Variants in ANKFY1 observed in about 807,000 individuals in gnomAD.
ANKFY1 encodes ankyrin repeat and FYVE domain-containing protein 1.
Under a neutral mutation model 128.3 loss-of-function variants are expected in ANKFY1, and 47 were observed. That is an observed-to-expected ratio of 0.37 (90% CI 0.29 to 0.47). The LOEUF (loss-of-function observed/expected upper bound fraction) is 0.47. Among genes scored for constraint, ANKFY1 ranks in the 20% least tolerant of loss-of-function variants. ANKFY1 has a pLI of 1.00. For missense variants in ANKFY1, 1,222 were observed against 1,510.6 expected (o/e 0.81, Z 3.17); for synonymous variants, 553 against 601.6 (o/e 0.92, Z 1.18).
chr17:4,179,328 T>A (rs1054090865), intron 17 of ANKFY1: 7 of 553,242 alleles, frequency 1.3e-5, no homozygotes, highest in African/African-American at 1.1e-4. Context: ...CCACCACTCC[T>A]TATCTGGCTA....
At chr17:4,168,971 T>C in intron 24 of ANKFY1, 1 of 525,056 alleles carries the variant, frequency 1.9e-6, no homozygotes, top group Non-Finnish European at 3.5e-6. Context: ...ACTGTGCACC[T>C]TCAGCCTCCA....
At position 4,169,402 on chromosome 17, in the gene ANKFY1, A is replaced by T; in HGVS notation, c.3287-114T>A. 1 of 743,368 alleles carries T rather than the reference A, an allele frequency of 1.3e-6. No individual in the cohort carries two copies. 46.0% of individuals were successfully genotyped at this position (743,368 alleles called of 1,614,324 possible). Reference sequence around the variant, plus strand: ...GTAAGTGAGGCAGCGCTGCCACATGACATAGGTGACGAAGGAGCGATAGGT... The same window carrying T: ...GTAAGTGAGGCAGCGCTGCCACATGTCATAGGTGACGAAGGAGCGATAGGT... On this transcript the variant is annotated intron_variant, in intron 23 of 24. Coordinates refer to ENST00000341657, the MANE Select transcript of ANKFY1 (RefSeq NM_001330063.2). The surrounding 1 kb of genome is among the most constrained non-coding windows in gnomAD (Gnocchi z 5.0).
chr17:4,183,730 T>C, intron 13 of ANKFY1, 82 bp downstream of exon 13: 1 of 1,477,380 alleles, frequency 6.8e-7, no homozygotes, highest in Non-Finnish European at 9.4e-7. Flanking sequence ...CTCCTCTTTC[T>C]TTCTCGCTCC....
chr17:4,218,898 T>C (rs1291606534), intron 3 of ANKFY1, among the ~76,000 whole-genome samples: 1 of 151,522 alleles, frequency 6.6e-6, no homozygotes, highest in African/African-American at 2.4e-5. Flanking sequence ...GAAAAAAAAA[T>C]AGGTCTTGCT....
chr17:4,262,501 A>G (rs751627373), intron 1 of ANKFY1, among the ~76,000 whole-genome samples: 32 of 152,054 alleles, frequency 2.1e-4, no homozygotes, highest in Non-Finnish European at 3.1e-4. Context: ...GCCTCAAGCG[A>G]TCCTCCCACC....
At chr17:4,249,714 T>C (rs544008351) in intron 1 of ANKFY1, among the ~76,000 whole-genome samples, 27 of 152,186 alleles carry the variant, frequency 1.8e-4, no homozygotes, top group Non-Finnish European at 3.5e-4. Context: ...TCTCCAAGCT[T>C]ACCTCCTCAC....
In ANKFY1 at chr17:4,167,710, C is replaced by G; in HGVS notation, c.*69G>C. The stretch of plus-strand genomic sequence containing the variant: ...CGCCAGCTCCTGCTCTGGGTGGGGT[C>G]AGGCTGGTGAGCAGAGCAGCTGCTG... On this transcript the variant is annotated 3_prime_UTR_variant, in exon 25 of 25. Transcript: ENST00000341657. This position sits in a 1 kb window ranked among gnomAD's most constrained non-coding sequence, Gnocchi z 4.1. The G allele has an allele frequency of 6.7e-7, 1 of 1,495,072 alleles. No individual in the cohort carries two copies. The highest frequency in any genetic ancestry group is 9.0e-7 in the Non-Finnish European group (1 of 1,112,776). The allele number at this position is 1,495,072 out of a possible 1,614,324, so 92.6% of individuals were successfully genotyped here. A position where few individuals can be genotyped will look rare whatever the true frequency, so the allele number is the denominator to read the frequency against.
At chr17:4,217,252 T>C in intron 3 of ANKFY1, 134 bp from the exon 4 acceptor site, 1 of 1,024,796 alleles carries the variant, frequency 9.8e-7, no homozygotes, top group Non-Finnish European at 1.4e-6. Flanking sequence ...ACACAGTCAT[T>C]AAAAATGGGG....
At chr17:4,195,531 G>T in intron 8 of ANKFY1, 60 bp from the exon 9 acceptor site, 2 of 1,328,276 alleles carry the variant, frequency 1.5e-6, no homozygotes, top group African/African-American at 1.5e-5. Context: ...ATGACTCACG[G>T]CAAGACGCAA....
At chr17:4,199,813 T>C (rs979440284) in intron 7 of ANKFY1, among the ~76,000 whole-genome samples, 2 of 152,230 alleles carry the variant, frequency 1.3e-5, no homozygotes, top group Non-Finnish European at 2.9e-5. Context: ...ATTAAATTTG[T>C]TGTAAGATTA....
intron 7 of ANKFY1, among the ~76,000 whole-genome samples, chr17:4,202,696 C>CA (rs60561665): frequency 0.042 from 3,143 of 74,682 alleles, 534 homozygotes; most frequent in African/African-American, 0.2. Context: ...AACTCCGTCT[C>CA]AAAAAAAAAA....
chr17:4,254,046 C>T (rs1165478974), intron 1 of ANKFY1, among the ~76,000 whole-genome samples: 1 of 152,150 alleles, frequency 6.6e-6, no homozygotes, highest in East Asian at 1.9e-4. Context: ...TGGCTCACGC[C>T]TGTAATCCCA....
intron 2 of ANKFY1, among the ~76,000 whole-genome samples, chr17:4,241,990 G>A (rs542076474): frequency 1.3e-5 from 2 of 151,426 alleles, no homozygotes; most frequent in South Asian, 2.1e-4. Flanking sequence ...TCGGGAGGCT[G>A]AGGCAAGAGA....
chr17:4,251,351 A>T (rs1967816224), intron 1 of ANKFY1, among the ~76,000 whole-genome samples: 1 of 152,148 alleles, frequency 6.6e-6, no homozygotes, highest in Non-Finnish European at 1.5e-5. Flanking sequence ...GGGAGGAAGG[A>T]TCACTTGAGC....
intron 3 of ANKFY1, chr17:4,222,846 C>T: frequency 1.0e-6 from 1 of 956,414 alleles, no homozygotes; most frequent in Non-Finnish European, 1.7e-6. Flanking sequence ...GTTGTCTCAG[C>T]CATCCACCCA....
intron 3 of ANKFY1, among the ~76,000 whole-genome samples, chr17:4,234,762 G>A (rs149490652): frequency 0.053 from 8,038 of 152,112 alleles, 469 homozygotes; most frequent in African/African-American, 0.14. Context: ...TCCCACCTTG[G>A]CCTCTCAAAG....
intron 11 of ANKFY1, chr17:4,186,356 T>G (rs1453392131): frequency 2.0e-5 from 3 of 152,796 alleles, no homozygotes; most frequent in Admixed American, 1.3e-4. Flanking sequence ...TGTTTACAAC[T>G]AACTGATCAC....
At chr17:4,263,152 G>C (rs1405075485) in intron 1 of ANKFY1, among the ~76,000 whole-genome samples, 1 of 152,172 alleles carries the variant, frequency 6.6e-6, no homozygotes, top group Non-Finnish European at 1.5e-5. Flanking sequence ...TGTACAATAA[G>C]GCTTTGACAA....
intron 3 of ANKFY1, among the ~76,000 whole-genome samples, chr17:4,221,368 T>C (rs752226912): frequency 7.9e-5 from 12 of 152,126 alleles, no homozygotes; most frequent in Non-Finnish European, 1.5e-4. Context: ...CATACCACTG[T>C]GCCTGGCTAA....
Sources: gnomAD v4.1 joint callset for allele counts (sites outside exome capture counted in the v4.1 genomes callset) on GRCh38, gnomAD v4.1.1 for gene constraint, Gnocchi (gnomAD v3.1) non-coding constraint, MANE v1.5 for transcripts, NCBI Gene and HGNC (gene_info 2026-07-23, HGNC 2026-07-21) for gene names.